The following TEC variants were observed in gnomAD, a reference collection of about 807,000 sequenced individuals.
TEC encodes tec protein tyrosine kinase.
TEC carries 72 observed loss-of-function variants against 93.0 expected under a neutral mutation model. That is an observed-to-expected ratio of 0.77 (90% CI 0.64 to 0.94). TEC has a LOEUF of 0.94. Among genes scored for constraint, TEC ranks in the 40% least tolerant of loss-of-function variants. The probability of loss-of-function intolerance (pLI) is 0.00; values close to 1 mark genes in which losing one functional copy is unlikely to be tolerated. For synonymous variants in TEC, 249 were observed against 247.7 expected, an observed-to-expected ratio of 1.01 and a Z score of -0.05; for missense variants, 630 against 757.9, an observed-to-expected ratio of 0.83 and a Z score of 1.98.
intron 2 of TEC, among the ~76,000 whole-genome samples, chr4:48,183,535 C>T (rs937067153): frequency 2.6e-5 from 4 of 152,204 alleles, no homozygotes; most frequent in African/African-American, 7.2e-5. Flanking sequence ...AAAGGGAAAG[C>T]GAACTCTTTT....
At chr4:48,140,123 G>A (rs1320247112) in intron 15 of TEC, among the ~76,000 whole-genome samples, 1 of 152,218 alleles carries the variant, frequency 6.6e-6, no homozygotes, top group Non-Finnish European at 1.5e-5. Flanking sequence ...AGAGTTGGAA[G>A]TTCTGGTCCC....
intron 2 of TEC, among the ~76,000 whole-genome samples, chr4:48,196,722 T>G (rs1722312505): frequency 6.6e-6 from 1 of 152,204 alleles, no homozygotes; most frequent in African/African-American, 2.4e-5. Flanking sequence ...TCATGACAAA[T>G]ATCGGTTTTC....
At chr4:48,248,573 C>G (rs1724120206) in intron 1 of TEC, among the ~76,000 whole-genome samples, 1 of 152,226 alleles carries the variant, frequency 6.6e-6, no homozygotes, top group African/African-American at 2.4e-5. Context: ...TTTTTGCAAA[C>G]AATCCAGCCC....
chr4:48,265,350 G>A (rs189079736), intron 1 of TEC, among the ~76,000 whole-genome samples: 36 of 150,144 alleles, frequency 2.4e-4, no homozygotes, highest in African/African-American at 8.8e-4. Flanking sequence ...AGAAAATAGA[G>A]GGGGAAAAAT....
chr4:48,240,098 C>T (rs1269058065), intron 1 of TEC, among the ~76,000 whole-genome samples: 1 of 151,714 alleles, frequency 6.6e-6, no homozygotes, highest in East Asian at 1.9e-4. Context: ...GATTTGCTTC[C>T]TAATCTGAAG....
intron 1 of TEC, among the ~76,000 whole-genome samples, chr4:48,264,996 T>A (rs1912162): frequency 0.76 from 110,401 of 145,870 alleles, 42,260 homozygotes; most frequent in Non-Finnish European, 0.87. Flanking sequence ...CCAAGGGCAT[T>A]AGTTACACAA....
chr4:48,187,580 C>T (rs1218968854), intron 2 of TEC, among the ~76,000 whole-genome samples: 3 of 152,126 alleles, frequency 2.0e-5, no homozygotes, highest in Admixed American at 2.0e-4. Context: ...TGTTTTCTCC[C>T]CCTAAGTGAT....
chr4:48,194,392 C>CT (rs1722213645), intron 2 of TEC, among the ~76,000 whole-genome samples: 1 of 152,214 alleles, frequency 6.6e-6, no homozygotes, highest in Admixed American at 6.5e-5. Flanking sequence ...TTAACCTGGT[C>CT]TTTAAATCAG....
At chr4:48,140,336 C>G (rs918137232) in intron 15 of TEC, among the ~76,000 whole-genome samples, 5 of 152,164 alleles carry the variant, frequency 3.3e-5, no homozygotes, top group Non-Finnish European at 7.3e-5. Flanking sequence ...TTCTTCCTAC[C>G]TGAAATAGTT....
At chr4:48,194,414 C>A (rs1722214381) in intron 2 of TEC, among the ~76,000 whole-genome samples, 1 of 152,222 alleles carries the variant, frequency 6.6e-6, no homozygotes. Flanking sequence ...TGCTACTTAG[C>A]CCTATATATC....
At chr4:48,157,321 G>A (rs185940351) in intron 8 of TEC, among the ~76,000 whole-genome samples, 56 of 152,246 alleles carry the variant, frequency 3.7e-4, no homozygotes, top group African/African-American at 1.2e-3. Context: ...AAGGTCCCAG[G>A]TGACAAAAGA....
At chr4:48,199,483 T>G (rs1017170519) in intron 2 of TEC, among the ~76,000 whole-genome samples, 4 of 111,186 alleles carry the variant, frequency 3.6e-5, no homozygotes, top group Non-Finnish European at 5.4e-5. Flanking sequence ...TTTTTTTTTT[T>G]TGAGACAAAG....
chr4:48,199,219 C>T (rs1722406188), intron 2 of TEC, among the ~76,000 whole-genome samples: 1 of 152,184 alleles, frequency 6.6e-6, no homozygotes, highest in African/African-American at 2.4e-5. Flanking sequence ...GGATAAACAG[C>T]ATTAAATGAA....
At chr4:48,142,216 A>G (rs1438290375) in intron 14 of TEC, among the ~76,000 whole-genome samples, 1 of 152,184 alleles carries the variant, frequency 6.6e-6, no homozygotes. Flanking sequence ...CACGCCTGCA[A>G]TCCCAACATT....
chr4:48,197,744 T>C (rs1042339228), intron 2 of TEC, among the ~76,000 whole-genome samples: 2 of 152,204 alleles, frequency 1.3e-5, no homozygotes, highest in African/African-American at 2.4e-5. Flanking sequence ...TCAGCATCCA[T>C]TTTGAATAGA....
intron 2 of TEC, among the ~76,000 whole-genome samples, chr4:48,204,638 G>A (rs1042084576): frequency 2.0e-5 from 3 of 152,216 alleles, no homozygotes; most frequent in Non-Finnish European, 4.4e-5. Context: ...GACCTGGGGT[G>A]AGCGGGATCA....
rs771600030 is a variant in TEC at position 48,145,256 on chromosome 4, C to T, written c.1293G>A (p.Val431=). ...THPKLVQLYG[V]CTQQKPIYIV... The stretch of plus-strand genomic sequence containing the variant: ...TGTATATTGGTTTCTGCTGGGTGCA[C>T]ACACCATAAAGCTGCACTAACTTCG... The change falls in exon 14 of 18, where the codon GTG becomes GTA. Residue 431 remains valine, a synonymous_variant. Transcript: ENST00000381501. 6.2e-7 allele frequency: 1 copy of T among 1,614,104 alleles called. No individual in the cohort carries two copies. Among genetic ancestry groups the T allele is most frequent in the South Asian group, 1.1e-5 (1 of 91,084 alleles).
intron 1 of TEC, among the ~76,000 whole-genome samples, chr4:48,239,034 A>C (rs1258241301): frequency 6.6e-6 from 1 of 152,202 alleles, no homozygotes; most frequent in Non-Finnish European, 1.5e-5. Context: ...CTTATTTTAG[A>C]AATTATATAT....
At chr4:48,195,003 T>G (rs1375168924) in intron 2 of TEC, among the ~76,000 whole-genome samples, 3 of 152,162 alleles carry the variant, frequency 2.0e-5, no homozygotes, top group African/African-American at 7.2e-5. Flanking sequence ...ACTGACTGAG[T>G]GCTTGATGAT....
Sources: gnomAD v4.1 joint callset for allele counts (sites outside exome capture counted in the v4.1 genomes callset) on GRCh38, gnomAD v4.1.1 for gene constraint, MANE v1.5 for transcripts, NCBI Gene and HGNC (gene_info 2026-07-23, HGNC 2026-07-21) for gene names.